Variants in RFPL1 observed in about 807,000 individuals in gnomAD.
RFPL1 encodes ret finger protein like 1, also known as ret finger protein-like 1.
Under a neutral mutation model 9.6 loss-of-function variants are expected in RFPL1, and 6 were observed. The observed-to-expected ratio is 0.62, with a 90% CI of 0.34 to 1.23. The LOEUF is 1.23. RFPL1 is among the 50% of genes most tolerant of loss of function. The probability of loss-of-function intolerance (pLI) is 0.03; values close to 1 mark genes in which losing one functional copy is unlikely to be tolerated. For synonymous variants in RFPL1, 145 were observed against 149.4 expected, an observed-to-expected ratio of 0.97 and a Z score of 0.22; for missense variants, 352 against 398.4, an observed-to-expected ratio of 0.88 and a Z score of 0.99.
chr22:29,391,420 C>A, the RFPL1 span, among the ~76,000 whole-genome samples: 1 of 152,084 alleles, frequency 6.6e-6, no homozygotes. Flanking sequence ...GGAGGAACTG[C>A]CCTTCTCTGA....
chr22:29,434,096 C>T (rs559144995), upstream of RFPL1, among the ~76,000 whole-genome samples: 4 of 152,244 alleles, frequency 2.6e-5, no homozygotes, highest in South Asian at 8.3e-4. Context: ...AAGCGATCCT[C>T]CCACCTCAAT....
chr22:29,407,124 G>A, the RFPL1 span, among the ~76,000 whole-genome samples: 1 of 148,696 alleles, frequency 6.7e-6, no homozygotes, highest in Non-Finnish European at 1.5e-5. Context: ...TGTGAGAAAA[G>A]GTCTCATTTG....
chr22:29,410,593 A>C, the RFPL1 span, among the ~76,000 whole-genome samples: 57 of 122,774 alleles, frequency 4.6e-4, no homozygotes, highest in African/African-American at 1.5e-3. Context: ...CTATCTATAT[A>C]TAGATATATA....
At chr22:29,441,706 C>A in exon 2 of RFPL1, 1 of 1,613,898 alleles carries the variant, frequency 6.2e-7, no homozygotes. Context: ...CTGTGGCCGC[C>A]ACTACTGGGA....
chr22:29,432,730 C>T, the RFPL1 span, among the ~76,000 whole-genome samples: 1 of 152,212 alleles, frequency 6.6e-6, no homozygotes, highest in East Asian at 1.9e-4. Flanking sequence ...AGAATCATGT[C>T]CTTCATTCCA....
the RFPL1 span, among the ~76,000 whole-genome samples, chr22:29,418,282 G>A: frequency 2.0e-5 from 3 of 152,166 alleles, no homozygotes; most frequent in East Asian, 5.8e-4. Context: ...CGCTCCCACA[G>A]GGGAAGCATG....
At chr22:29,417,821 G>A in the RFPL1 span, among the ~76,000 whole-genome samples, 1 of 151,966 alleles carries the variant, frequency 6.6e-6, no homozygotes, top group African/African-American at 2.4e-5. Context: ...CACATAACAA[G>A]AGAACAGTCT....
chr22:29,422,798 A>AAAACACATACACACAC, the RFPL1 span, among the ~76,000 whole-genome samples: 2 of 113,852 alleles, frequency 1.8e-5, no homozygotes, highest in East Asian at 7.3e-4. Context: ...CATGGACGGA[A>AAAACACATACACACAC]ACACACACAT....
the RFPL1 span, among the ~76,000 whole-genome samples, chr22:29,396,523 G>A: frequency 6.6e-6 from 1 of 152,176 alleles, no homozygotes; most frequent in Admixed American, 6.5e-5. Flanking sequence ...GACTAACATA[G>A]GTTGGTTGTG....
At chr22:29,421,305 C>T in the RFPL1 span, among the ~76,000 whole-genome samples, 3 of 152,308 alleles carry the variant, frequency 2.0e-5, no homozygotes, top group South Asian at 2.1e-4. Flanking sequence ...AAAAAATTAG[C>T]TCGGCATAGT....
chr22:29,389,482 C>T, the RFPL1 span, among the ~76,000 whole-genome samples: 1,854 of 151,602 alleles, frequency 0.012, 33 homozygotes, highest in African/African-American at 0.042. Flanking sequence ...GCCAGGAGAT[C>T]GAGACCATCC....
chr22:29,400,451 C>T, the RFPL1 span, among the ~76,000 whole-genome samples: 1 of 152,140 alleles, frequency 6.6e-6, no homozygotes. Flanking sequence ...GTGCTTTCTC[C>T]CTTCTTGATT....
At chr22:29,390,801 T>G in the RFPL1 span, among the ~76,000 whole-genome samples, 65 of 150,474 alleles carry the variant, frequency 4.3e-4, no homozygotes, top group Non-Finnish European at 8.1e-4. Context: ...GTTTCACCGT[T>G]GTTAGCCAGG....
chr22:29,408,348 T>A, the RFPL1 span, among the ~76,000 whole-genome samples: 1 of 152,170 alleles, frequency 6.6e-6, no homozygotes, highest in Non-Finnish European at 1.5e-5. Context: ...TTCTTTGCCT[T>A]CCTTCAACAC....
At chr22:29,426,014 G>A in the RFPL1 span, among the ~76,000 whole-genome samples, 6 of 151,984 alleles carry the variant, frequency 3.9e-5, no homozygotes, top group Admixed American at 3.9e-4. Context: ...ATTTGTTTCA[G>A]ACAACTGTGT....
the RFPL1 span, among the ~76,000 whole-genome samples, chr22:29,410,968 G>T: frequency 2.6e-5 from 4 of 152,060 alleles, no homozygotes; most frequent in Admixed American, 6.6e-5. Flanking sequence ...TTCATTCTGA[G>T]GCTCACATTC....
At chr22:29,433,833 G>C (rs2062795840), upstream of RFPL1, among the ~76,000 whole-genome samples, 1 of 152,116 alleles carries the variant, frequency 6.6e-6, no homozygotes, top group Non-Finnish European at 1.5e-5. Context: ...CCATGTGGAA[G>C]TGACAATAAT....
chr22:29,391,636 C>T, the RFPL1 span, among the ~76,000 whole-genome samples: 24 of 152,226 alleles, frequency 1.6e-4, no homozygotes, highest in African/African-American at 5.1e-4. Context: ...CAGCACCGGG[C>T]GGCTCAGGAA....
At chr22:29,427,183 A>AG in the RFPL1 span, among the ~76,000 whole-genome samples, 2 of 152,266 alleles carry the variant, frequency 1.3e-5, no homozygotes, top group East Asian at 1.9e-4. Context: ...GGAAACACTG[A>AG]GGGGGGGCCT....
Sources: allele counts gnomAD v4.1 joint callset (sites outside exome capture counted in the v4.1 genomes callset), GRCh38; gene constraint gnomAD v4.1.1; transcripts MANE v1.5; gene names NCBI Gene and HGNC (gene_info 2026-07-23, HGNC 2026-07-21).